Variants in NAALADL2 observed in about 807,000 individuals in gnomAD.
NAALADL2 encodes N-acetylated alpha-linked acidic dipeptidase like 2, also known as inactive N-acetylated-alpha-linked acidic dipeptidase-like protein 2.
A neutral mutation model predicts 87.2 loss-of-function variants in NAALADL2; 76 were observed. The observed-to-expected ratio is 0.87, with a 90% confidence interval of 0.72 to 1.05. NAALADL2 has a LOEUF of 1.05. NAALADL2 is among the 50% of genes least tolerant of loss of function. NAALADL2 has a pLI of 0.00. For missense variants in NAALADL2, 1,089 were observed against 945.8 expected (o/e 1.15, Z -1.99); for synonymous variants, 354 against 331.0 (o/e 1.07, Z -0.75).
chr3:175,051,099 G>A (rs1291211937), intron 1 of NAALADL2, among the ~76,000 whole-genome samples: 1 of 152,064 alleles, frequency 6.6e-6, no homozygotes, highest in African/African-American at 2.4e-5. Context: ...AATAAGAAAT[G>A]GCATAAAAAA....
At chr3:175,296,639 GAAA>G (rs1756422508) in intron 4 of NAALADL2, among the ~76,000 whole-genome samples, 5 of 152,124 alleles carry the variant, frequency 3.3e-5, no homozygotes, top group African/African-American at 1.2e-4. Context: ...TTTATGAAGA[GAAA>G]TCTATAGACA....
At chr3:174,966,951 TAAG>T (rs1579770543) in intron 1 of NAALADL2, among the ~76,000 whole-genome samples, 1 of 152,068 alleles carries the variant, frequency 6.6e-6, no homozygotes, top group East Asian at 1.9e-4. Flanking sequence ...AATAAAATAA[TAAG>T]TGTTATCACA....
At chr3:174,444,581 A>G (rs1265592807) in intron 1 of NAALADL2, among the ~76,000 whole-genome samples, 1 of 152,200 alleles carries the variant, frequency 6.6e-6, no homozygotes, top group Non-Finnish European at 1.5e-5. Context: ...AAGCTAAATC[A>G]TATGATGAAA....
chr3:174,971,810 G>A (rs1229562160), intron 1 of NAALADL2, among the ~76,000 whole-genome samples: 1 of 151,980 alleles, frequency 6.6e-6, no homozygotes, highest in Non-Finnish European at 1.5e-5. Flanking sequence ...CAATTCTCCT[G>A]TCTCAGCTTC....
intron 1 of NAALADL2, among the ~76,000 whole-genome samples, chr3:174,504,245 A>G (rs928688692): frequency 6.6e-6 from 1 of 152,154 alleles, no homozygotes; most frequent in African/African-American, 2.4e-5. Context: ...ATAATATATA[A>G]ATTTTTAGAG....
intron 9 of NAALADL2, among the ~76,000 whole-genome samples, chr3:175,503,020 G>A (rs77563328): frequency 0.076 from 11,480 of 151,140 alleles, 456 homozygotes; most frequent in Middle Eastern, 0.096. Flanking sequence ...TGTAGATTAT[G>A]TTGTCACCCA....
chr3:175,444,230 TAGAC>T lies in NAALADL2; in HGVS notation c.1091-2996_1091-2993del, dbSNP rs377162717. 1.8e-3 allele frequency among the ~76,000 whole-genome samples: 267 copies of T among 152,314 alleles called. 2 individuals carry two copies. Among genetic ancestry groups the T allele is most frequent in the African/African-American group, 5.6e-3 (232 of 41,564 alleles). On this transcript the variant is annotated intron_variant, in intron 5 of 13. Transcript: ENST00000454872. Reference sequence around the variant, plus strand: ...CGCAATCATGAAAACTTCGAAATGATAGACAGCACATTGTGCATCAATATTATTT... The same window carrying T: ...CGCAATCATGAAAACTTCGAAATGATAGCACATTGTGCATCAATATTATTT...
At position 175,097,049 on chromosome 3, in the gene NAALADL2, A is replaced by T; in HGVS notation, c.303A>T (p.Gln101His). The T allele has an allele frequency of 6.2e-7, 1 of 1,613,774 alleles. No individual in the cohort carries two copies. Among genetic ancestry groups the T allele is most frequent in the Non-Finnish European group, 8.5e-7 (1 of 1,179,754 alleles). The change falls in exon 2 of 14, where the codon CAA becomes CAT. Residue 101 changes from glutamine (Q) to histidine (H), a missense_variant. Gln to His is a conservative substitution (Grantham distance 24). Transcript: ENST00000454872. ...TSPKGRFQRL[Q>H]EESDYITHYT... Reference sequence around the variant, plus strand: ...CCAAAGGAAGGTTCCAGAGACTTCAAGAAGAATCTGACTACATTACCCATT... The same window carrying T: ...CCAAAGGAAGGTTCCAGAGACTTCATGAAGAATCTGACTACATTACCCATT...
At chr3:175,197,951 GA>G (rs1270435890) in intron 2 of NAALADL2, among the ~76,000 whole-genome samples, 24 of 152,144 alleles carry the variant, frequency 1.6e-4, no homozygotes, top group Non-Finnish European at 2.9e-4. Context: ...ATGTTTGTGG[GA>G]AAGTACAGTA....
At chr3:175,107,782 T>C (rs947656270) in intron 2 of NAALADL2, among the ~76,000 whole-genome samples, 1 of 151,822 alleles carries the variant, frequency 6.6e-6, no homozygotes, top group Admixed American at 6.6e-5. Context: ...TGTGGTAATA[T>C]TAAGTCTATG....
intron 2 of NAALADL2, among the ~76,000 whole-genome samples, chr3:175,168,754 C>A (rs954106851): frequency 3.3e-5 from 5 of 151,616 alleles, no homozygotes; most frequent in African/African-American, 4.8e-5. Context: ...TCAATTCAGG[C>A]CAATTTGTTT....
At chr3:174,659,766 T>A (rs549454835) in intron 2 of NAALADL2, among the ~76,000 whole-genome samples, 13 of 152,282 alleles carry the variant, frequency 8.5e-5, no homozygotes, top group African/African-American at 3.1e-4. Flanking sequence ...CATCTACCCA[T>A]GGTCACGTCT....
intron 1 of NAALADL2, among the ~76,000 whole-genome samples, chr3:174,500,187 G>A (rs1413599571): frequency 6.6e-6 from 1 of 152,006 alleles, no homozygotes; most frequent in African/African-American, 2.4e-5. Flanking sequence ...TGTGATTTCA[G>A]ATGACTTTTT....
chr3:175,393,156 C>T (rs1044724441), intron 5 of NAALADL2, among the ~76,000 whole-genome samples: 1 of 150,494 alleles, frequency 6.6e-6, no homozygotes, highest in African/African-American at 2.4e-5. Context: ...CGCCTGTAGT[C>T]CCAGCTACTC....
intron 1 of NAALADL2, among the ~76,000 whole-genome samples, chr3:174,970,328 A>G (rs533543867): frequency 2.0e-5 from 3 of 152,326 alleles, no homozygotes; most frequent in South Asian, 2.1e-4. Context: ...ATGGATGGTT[A>G]TAGTGAATTA....
At chr3:175,446,382 C>T (rs933072974) in intron 5 of NAALADL2, among the ~76,000 whole-genome samples, 1 of 152,062 alleles carries the variant, frequency 6.6e-6, no homozygotes, top group African/African-American at 2.4e-5. Context: ...GCCAAGATTA[C>T]AGGCGTGCAC....
intron 2 of NAALADL2, among the ~76,000 whole-genome samples, chr3:175,219,648 A>G (rs920910585): frequency 7.2e-5 from 11 of 152,010 alleles, no homozygotes; most frequent in Non-Finnish European, 1.3e-4. Context: ...ATTTAGTTCT[A>G]TGATTCATCT....
intron 2 of NAALADL2, among the ~76,000 whole-genome samples, chr3:174,571,082 A>T (rs1197675793): frequency 2.0e-5 from 3 of 152,138 alleles, no homozygotes; most frequent in South Asian, 4.1e-4. Context: ...CTTTCGGATA[A>T]GCTTCCAGGT....
chr3:174,848,496 G>A (rs6810065), intron 3 of NAALADL2, among the ~76,000 whole-genome samples: 1,847 of 152,178 alleles, frequency 0.012, 41 homozygotes, highest in African/African-American at 0.043. Flanking sequence ...AATGTTTACC[G>A]TTGTGCCATA....
Sources: gnomAD v4.1 joint callset for allele counts (sites outside exome capture counted in the v4.1 genomes callset) on GRCh38, gnomAD v4.1.1 for gene constraint, MANE v1.5 for transcripts, NCBI Gene and HGNC (gene_info 2026-07-23, HGNC 2026-07-21) for gene names.